KIAA1671: variants seen among roughly 807,000 people sequenced by gnomAD.
KIAA1671 encodes uncharacterized protein KIAA1671.
In KIAA1671, 52 loss-of-function variants were observed where a neutral mutation model predicts 131.2. The ratio of observed to expected loss-of-function variants is 0.40; its 90% CI spans 0.32 to 0.50. The LOEUF (loss-of-function observed/expected upper bound fraction) is 0.50, where lower values mean the gene tolerates loss of function less well. Among genes scored for constraint, KIAA1671 ranks in the 20% least tolerant of loss-of-function variants. The pLI, the probability that KIAA1671 is intolerant of heterozygous loss-of-function variation, is 0.73. For synonymous variants in KIAA1671, 1,003 were observed against 961.6 expected (o/e 1.04, Z -0.80); for missense variants, 2,360 against 2,364.2 (o/e 1.00, Z 0.04).
chr22:25,000,725 C>T (rs1309875529), intron 1 of KIAA1671, among the ~76,000 whole-genome samples: 1 of 151,232 alleles, frequency 6.6e-6, no homozygotes, highest in Non-Finnish European at 1.5e-5. Context: ...TCATGTTGGC[C>T]GGGCTGGTCT....
chr22:25,095,316 A>G (rs1419849502), intron 6 of KIAA1671, among the ~76,000 whole-genome samples: 1 of 152,188 alleles, frequency 6.6e-6, no homozygotes, highest in Middle Eastern at 3.2e-3. Flanking sequence ...AGCATCTGGG[A>G]GCAAAAAACA....
In KIAA1671 at chr22:25,028,726, G is replaced by A. The variant is rs1294192028; in HGVS notation, c.727G>A (p.Val243Met). Residue 243 changes from valine (V) to methionine (M), a missense_variant, in exon 3 of 13, where the codon GTG (valine) becomes ATG (methionine). Physicochemically the swap from Val to Met is conservative, Grantham distance 21. Around this residue, in one of 3 missense-constraint regions of KIAA1671, gnomAD observed 1,185 missense variants for 1,126.2 expected, o/e 1.05. Transcript: ENST00000358431. ...CAGGCCTCGCCTGAAGAGAAGGCCC[G>A]TGTCTGCCATTTTCACGGAGTCCAT... ...EPRPRLKRRPVSAIFTESIQP... is the reference protein window; with the variant it reads ...EPRPRLKRRPMSAIFTESIQP... The A allele has an allele frequency of 1.4e-5, 21 of 1,551,126 alleles. No individual in the cohort carries two copies. The highest frequency in any genetic ancestry group is 2.0e-5 in the Admixed American group (1 of 50,988).
At chr22:25,134,646 A>G (rs774994811) in intron 6 of KIAA1671, among the ~76,000 whole-genome samples, 6 of 152,162 alleles carry the variant, frequency 3.9e-5, no homozygotes, top group Non-Finnish European at 5.9e-5. Flanking sequence ...ATCACCTTGC[A>G]GCCTCCAGCC....
At chr22:24,976,499 G>C (rs899316564) in intron 1 of KIAA1671, among the ~76,000 whole-genome samples, 3 of 152,174 alleles carry the variant, frequency 2.0e-5, no homozygotes, top group African/African-American at 7.2e-5. Context: ...CAGCATGGGG[G>C]TCTGTCCATG....
intron 6 of KIAA1671, among the ~76,000 whole-genome samples, chr22:25,151,650 C>G (rs1418099169): frequency 2.6e-5 from 4 of 151,842 alleles, no homozygotes; most frequent in African/African-American, 9.7e-5. Context: ...AGGCTACTCT[C>G]CAACTCCTGG....
chr22:25,148,531 G>A (rs1223105374), intron 6 of KIAA1671, among the ~76,000 whole-genome samples: 1 of 152,214 alleles, frequency 6.6e-6, no homozygotes, highest in Non-Finnish European at 1.5e-5. Flanking sequence ...GCAACTGTAG[G>A]GCTTATCAGG....
At chr22:25,042,312 T>C (rs1926975969) in intron 5 of KIAA1671, among the ~76,000 whole-genome samples, 4 of 152,318 alleles carry the variant, frequency 2.6e-5, no homozygotes, top group Admixed American at 2.6e-4. Flanking sequence ...AATAGCCTGT[T>C]GTATCCTGTT....
Position 24,953,119 on chromosome 22 carries a change from C to CT in KIAA1671, c.-208+348dup, listed in dbSNP as rs376674703. 1.8e-3 allele frequency among the ~76,000 whole-genome samples: 271 copies of CT among 152,098 alleles called. 1 individual carries two copies. Among genetic ancestry groups the CT allele is most frequent in the African/African-American group, 6.0e-3 (248 of 41,522 alleles). On this transcript the variant is annotated intron_variant, in intron 1 of 12. Coordinates refer to ENST00000358431, the MANE Select transcript of KIAA1671 (RefSeq NM_001145206.2). ...GTCGATCCCTGGAGGGGATCGGGCG[C>CT]TGGAGGCCTGGGGTCCCACTGGATC...
At chr22:25,047,889 C>T (rs1352473236) in intron 5 of KIAA1671, among the ~76,000 whole-genome samples, 1 of 152,196 alleles carries the variant, frequency 6.6e-6, no homozygotes, top group African/African-American at 2.4e-5. Flanking sequence ...GAAATCACTG[C>T]CTAAGCCTAG....
chr22:25,008,577 C>A (rs1924871643), intron 1 of KIAA1671, among the ~76,000 whole-genome samples: 1 of 152,172 alleles, frequency 6.6e-6, no homozygotes, highest in African/African-American at 2.4e-5. Context: ...GATTTCAAAT[C>A]CTGGCTCCAC....
intron 6 of KIAA1671, among the ~76,000 whole-genome samples, chr22:25,119,155 G>A (rs1052438113): frequency 6.6e-6 from 1 of 152,208 alleles, no homozygotes; most frequent in South Asian, 2.1e-4. Flanking sequence ...AGCTCACAGA[G>A]TATCTGCCTT....
At chr22:25,073,657 T>C (rs1928945372) in intron 6 of KIAA1671, among the ~76,000 whole-genome samples, 1 of 152,194 alleles carries the variant, frequency 6.6e-6, no homozygotes. Flanking sequence ...TTGTACCCTT[T>C]AACATCTTTC....
chr22:25,066,559 C>T (rs1928484439), intron 6 of KIAA1671, among the ~76,000 whole-genome samples: 1 of 152,170 alleles, frequency 6.6e-6, no homozygotes, highest in South Asian at 2.1e-4. Flanking sequence ...GAATTAAGTT[C>T]CAGCTGATGA....
intron 6 of KIAA1671, among the ~76,000 whole-genome samples, chr22:25,069,501 C>G (rs137915964): frequency 5.6e-4 from 86 of 152,312 alleles, no homozygotes; most frequent in Non-Finnish European, 9.0e-4. Flanking sequence ...CACCCCACTC[C>G]CCATGCTGGG....
intron 11 of KIAA1671, among the ~76,000 whole-genome samples, chr22:25,187,113 C>T (rs5996852): frequency 0.44 from 67,030 of 151,910 alleles, 15,400 homozygotes; most frequent in African/African-American, 0.55. Context: ...TAATCTCTCA[C>T]CCCCTCAGGT....
chr22:25,178,484 T>C (rs972390396), intron 9 of KIAA1671, among the ~76,000 whole-genome samples: 5 of 152,260 alleles, frequency 3.3e-5, no homozygotes, highest in Non-Finnish European at 7.3e-5. Context: ...GGTGGGTCTT[T>C]CAAGGACATC....
intron 12 of KIAA1671, 114 bp downstream of exon 12, chr22:25,190,898 G>A (rs1934652410): frequency 2.8e-6 from 2 of 713,144 alleles, no homozygotes; most frequent in Non-Finnish European, 4.9e-6. Context: ...GAAAGAGGCT[G>A]TGTAAGGGGA....
intron 6 of KIAA1671, among the ~76,000 whole-genome samples, chr22:25,155,104 A>G (rs1933184324): frequency 2.0e-5 from 3 of 152,158 alleles, no homozygotes; most frequent in Admixed American, 2.0e-4. Context: ...GCGGACCTCA[A>G]TTTGAGATGG....
At chr22:25,005,346 TAAA>T (rs569086369) in intron 1 of KIAA1671, among the ~76,000 whole-genome samples, 13 of 111,482 alleles carry the variant, frequency 1.2e-4, no homozygotes, top group Admixed American at 1.0e-4. Context: ...AGACTCCATC[TAAA>T]AAAAAAAAAA....
Sources: gnomAD v4.1 joint callset for allele counts (sites outside exome capture counted in the v4.1 genomes callset) on GRCh38, gnomAD v4.1.1 for gene constraint, gnomAD v4.1.1 regional missense constraint, MANE v1.5 for transcripts, NCBI Gene and HGNC (gene_info 2026-07-23, HGNC 2026-07-21) for gene names.